SH3PXD2A: variants seen among roughly 807,000 people sequenced by gnomAD.
SH3PXD2A encodes the protein SH3 and PX domain-containing protein 2A.
In SH3PXD2A, 32 loss-of-function variants were observed where a neutral mutation model predicts 115.2. That is an observed-to-expected ratio of 0.28 (90% CI 0.21 to 0.37). SH3PXD2A has a LOEUF of 0.37. Among genes scored for constraint, SH3PXD2A ranks in the 10% least tolerant of loss-of-function variants. The pLI is 1.00. For missense variants in SH3PXD2A, 1,328 were observed against 1,498.7 expected, an observed-to-expected ratio of 0.89 and a Z score of 1.88; for synonymous variants, 610 against 629.1, an observed-to-expected ratio of 0.97 and a Z score of 0.45.
intron 2 of SH3PXD2A, among the ~76,000 whole-genome samples, chr10:103,793,096 C>T (rs886259045): frequency 6.7e-6 from 1 of 149,412 alleles, no homozygotes; most frequent in Non-Finnish European, 1.5e-5. Flanking sequence ...ATAGGTGACT[C>T]TTTAACTATT....
chr10:103,598,915 G>T lies in SH3PXD2A; in HGVS notation c.*2901C>A, dbSNP rs190139512. On this transcript the variant is annotated 3_prime_UTR_variant, in exon 15 of 15. Coordinates refer to ENST00000369774, the MANE Select transcript of SH3PXD2A (RefSeq NM_001394015.1). ...GTTAGGGGGTGAGGGGGCGAGGTGC[G>T]AAGACTGGGGCATGGCAATCCCTGT... The T allele has an allele frequency of 6.6e-6, 1 of 152,514 alleles. No individual in the cohort carries two copies. The highest frequency in any genetic ancestry group is 2.4e-5 in the African/African-American group (1 of 41,426). The allele number at this position is 152,514 out of a possible 1,614,324, so 9.4% of individuals were successfully genotyped here.
chr10:103,661,105 G>C lies in SH3PXD2A; in HGVS notation c.482C>G (p.Ala161Gly). The C allele has an allele frequency of 6.2e-7, 1 of 1,613,066 alleles. No homozygotes were observed. The highest frequency in any genetic ancestry group is 8.5e-7 in the Non-Finnish European group (1 of 1,179,516). ...SPKKDVTGADATAEPMILEQY... is the reference protein window; with the variant it reads ...SPKKDVTGADGTAEPMILEQY... ...TTCCAGGATCATGGGCTCGGCGGTG[G>C]CGTCGGCACCTGGCGAGGGCAGAAA... Residue 161 changes from alanine (A) to glycine (G), a missense_variant, in exon 8 of 15, where the codon GCC becomes GGC. Ala to Gly is a moderately conservative substitution (Grantham distance 60). Around this residue, in one of 5 missense-constraint regions of SH3PXD2A, gnomAD observed 90 missense variants for 71.1 expected, o/e 1.27. Transcript: ENST00000369774.
intron 11 of SH3PXD2A, among the ~76,000 whole-genome samples, chr10:103,614,801 G>A (rs2036484136): frequency 6.6e-6 from 1 of 151,962 alleles, no homozygotes; most frequent in African/African-American, 2.4e-5. Context: ...CTTGTTCTTG[G>A]GCGCTCATTA....
At chr10:103,634,887 C>T (rs1202781644) in intron 8 of SH3PXD2A, among the ~76,000 whole-genome samples, 4 of 152,050 alleles carry the variant, frequency 2.6e-5, no homozygotes, top group East Asian at 1.9e-4. Context: ...ATGAATGGAG[C>T]GTATTTCCTG....
intron 13 of SH3PXD2A, chr10:103,609,213 A>G (rs1327926955): frequency 6.6e-6 from 1 of 152,110 alleles, no homozygotes; most frequent in Non-Finnish European, 1.5e-5. Context: ...CTAACAAAGC[A>G]CTTGCACACT....
chr10:103,689,860 T>C (rs1413891886), intron 6 of SH3PXD2A, among the ~76,000 whole-genome samples: 1 of 152,168 alleles, frequency 6.6e-6, no homozygotes, highest in Non-Finnish European at 1.5e-5. Context: ...AGAAAGTTCC[T>C]GAGAACTTTC....
At chr10:103,617,784 C>T (rs944943999) in intron 10 of SH3PXD2A, among the ~76,000 whole-genome samples, 2 of 152,220 alleles carry the variant, frequency 1.3e-5, no homozygotes, top group Non-Finnish European at 2.9e-5. Flanking sequence ...ACTCTCCTAT[C>T]CCTGCCCCCA....
intron 6 of SH3PXD2A, among the ~76,000 whole-genome samples, chr10:103,686,423 G>C (rs965718813): frequency 6.6e-6 from 1 of 152,228 alleles, no homozygotes; most frequent in Admixed American, 6.5e-5. Context: ...AACTGGGTGA[G>C]AGGCATGAGA....
intron 1 of SH3PXD2A, among the ~76,000 whole-genome samples, chr10:103,834,497 T>C (rs1365596075): frequency 6.6e-6 from 1 of 152,250 alleles, no homozygotes; most frequent in Non-Finnish European, 1.5e-5. Flanking sequence ...AAATTGACTG[T>C]GGTGGCTGTG....
chr10:103,701,175 TCCAC>T (rs1221219695), intron 5 of SH3PXD2A, among the ~76,000 whole-genome samples: 1 of 106,994 alleles, frequency 9.3e-6, no homozygotes. Context: ...CATCCATCCA[TCCAC>T]CATCCATCCA....
At chr10:103,789,119 C>T (rs1035863508) in intron 2 of SH3PXD2A, among the ~76,000 whole-genome samples, 1 of 152,016 alleles carries the variant, frequency 6.6e-6, no homozygotes, top group Non-Finnish European at 1.5e-5. Flanking sequence ...GCCCTACATG[C>T]CTCATTCCAA....
rs1310605995 is a variant in SH3PXD2A at position 103,698,764 on chromosome 10, C to T, written c.399-5708G>A. ...CAACGAGAAAGCCAACATTCTCAGA[C>T]AATCCACGCTGAGAATTACAGGAGG... On this transcript the variant is annotated intron_variant, in intron 5 of 14. Transcript: ENST00000369774. Among the ~76,000 whole-genome samples, 3 of 152,068 alleles carry T rather than the reference C, an allele frequency of 2.0e-5. No individual in the cohort carries two copies. The East Asian group carries it at 5.8e-4, about 29-fold the overall frequency.
chr10:103,632,448 AG>A (rs2036794432), intron 8 of SH3PXD2A, among the ~76,000 whole-genome samples: 1 of 152,170 alleles, frequency 6.6e-6, no homozygotes, highest in Non-Finnish European at 1.5e-5. Context: ...CACCTGGCAG[AG>A]GCCTGTCAGC....
At chr10:103,716,664 G>A (rs1409311444) in intron 5 of SH3PXD2A, among the ~76,000 whole-genome samples, 2 of 152,152 alleles carry the variant, frequency 1.3e-5, no homozygotes, top group Non-Finnish European at 2.9e-5. Flanking sequence ...AAGGCCAGTG[G>A]GCTGGTAAGA....
Position 103,693,126 on chromosome 10 carries a change from G to A in SH3PXD2A, c.399-70C>T, listed in dbSNP as rs1181675902. 4.4e-6 allele frequency: 6 copies of A among 1,362,298 alleles called. No individual in the cohort carries two copies. In the East Asian group the frequency reaches 7.2e-5, roughly 16 times the overall value. 84.4% of individuals were successfully genotyped at this position (1,362,298 alleles called of 1,614,324 possible). ...CGAGCGCGGGGCTGCAGCTGCAGGG[G>A]CGCCCTCGGGCTGGCTGCGGTCGGT... On this transcript the variant is annotated intron_variant, in intron 5 of 14. Coordinates refer to ENST00000369774, the MANE Select transcript of SH3PXD2A (RefSeq NM_001394015.1).
Position 103,660,989 on chromosome 10 carries a change from C to G in SH3PXD2A, c.598G>C (p.Glu200Gln), listed in dbSNP as rs769902522. 2.5e-6 allele frequency: 4 copies of G among 1,613,794 alleles called. No individual in the cohort carries two copies. Among genetic ancestry groups the G allele is most frequent in the African/African-American group, 1.3e-5 (1 of 74,926 alleles). The stretch of plus-strand genomic sequence containing the variant: ...CATTGGCCAGGGCACTCACCGCTCT[C>G]GTTCTTCTCGATGACATCCACCACC... The part of the protein sequence containing the change: ...GEVVDVIEKN[E>Q]SGWWFVSTSE... The change falls in exon 8 of 15, where the codon GAG (glutamate) becomes CAG (glutamine). Residue 200 changes from glutamate to glutamine, a missense_variant. Around this residue, in one of 5 missense-constraint regions of SH3PXD2A, gnomAD observed 509 missense variants for 628.3 expected, o/e 0.81. Coordinates refer to ENST00000369774, the MANE Select transcript of SH3PXD2A (RefSeq NM_001394015.1).
rs1329435015 is a variant in SH3PXD2A at position 103,596,591 on chromosome 10, G to GTTAT, written c.*5221_*5224dup. 2.0e-5 allele frequency: 3 copies of GTTAT among 150,520 alleles called. No homozygotes were observed. Among genetic ancestry groups the GTTAT allele is most frequent in the Non-Finnish European group, 4.4e-5 (3 of 67,740 alleles). The allele number at this position is 150,520 out of a possible 1,614,324, so 9.3% of individuals were successfully genotyped here. A position where few individuals can be genotyped will look rare whatever the true frequency, so the allele number is the denominator to read the frequency against. Reference sequence around the variant, plus strand: ...GGTATTTTTTTTTCTCTAACCCCATGTTATTTAGTTCAAGTGGGAAGTTAC... The same window carrying GTTAT: ...GGTATTTTTTTTTCTCTAACCCCATGTTATTTATTTAGTTCAAGTGGGAAGTTAC... On this transcript the variant is annotated 3_prime_UTR_variant, in exon 15 of 15. Transcript: ENST00000369774.
At chr10:103,661,757 G>T in intron 7 of SH3PXD2A, 10 of 985,344 alleles carry the variant, frequency 1.0e-5, no homozygotes, top group Non-Finnish European at 1.2e-5. Flanking sequence ...GCCAATCACT[G>T]GGGTTTACTC....
chr10:103,771,650 G>A (rs2038821071), intron 2 of SH3PXD2A, among the ~76,000 whole-genome samples: 1 of 151,862 alleles, frequency 6.6e-6, no homozygotes, highest in Non-Finnish European at 1.5e-5. Context: ...CAGGAGAATC[G>A]CTTGAACCTC....
Sources: allele counts gnomAD v4.1 joint callset (sites outside exome capture counted in the v4.1 genomes callset), GRCh38; gene constraint gnomAD v4.1.1; regional missense constraint gnomAD v4.1.1; transcripts MANE v1.5; gene names NCBI Gene and HGNC (gene_info 2026-07-23, HGNC 2026-07-21).